Variants in SYNE1 observed in about 807,000 individuals in gnomAD.
The protein encoded by SYNE1 is nesprin-1.
A neutral mutation model predicts 1,111.0 loss-of-function variants in SYNE1; 616 were observed. That is an observed-to-expected ratio of 0.55 (90% CI 0.52 to 0.59). SYNE1 has a LOEUF of 0.59. SYNE1 is among the 20% of genes least tolerant of loss of function. The probability of loss-of-function intolerance (pLI) is 0.00; values close to 1 mark genes in which losing one functional copy is unlikely to be tolerated. For synonymous variants in SYNE1, 3,855 were observed against 3,825.8 expected, an observed-to-expected ratio of 1.01 and a Z score of -0.28; for missense variants, 10,006 against 10,417.0, an observed-to-expected ratio of 0.96 and a Z score of 1.72.
At chr6:152,565,314 A>G (rs1241163653) in intron 3 of SYNE1, among the ~76,000 whole-genome samples, 2 of 152,188 alleles carry the variant, frequency 1.3e-5, no homozygotes, top group Non-Finnish European at 2.9e-5. Context: ...TAAGTTAGTT[A>G]ATTACTGGGA....
At position 152,444,839 on chromosome 6, in the gene SYNE1, C is replaced by G. The variant is rs1592840720; in HGVS notation, c.3670-261G>C. ...AATAGGTAATATTAACTGCAGTCACCACCAGAACTTTTTCATCTTAGAACT... is the reference window on the plus strand; with the variant it reads ...AATAGGTAATATTAACTGCAGTCACGACCAGAACTTTTTCATCTTAGAACT... On this transcript the variant is annotated intron_variant, in intron 29 of 145. Coordinates refer to ENST00000367255, the MANE Select transcript of SYNE1 (RefSeq NM_182961.4). Among the ~76,000 whole-genome samples the G allele has an allele frequency of 1.3e-5, 2 of 152,182 alleles. 1 individual carries two copies. Among genetic ancestry groups the G allele is most frequent in the South Asian group, 4.1e-4 (2 of 4,820 alleles).
At chr6:152,153,004 A>G (rs1465342368) in intron 133 of SYNE1, among the ~76,000 whole-genome samples, 2 of 152,218 alleles carry the variant, frequency 1.3e-5, no homozygotes, top group African/African-American at 2.4e-5. Context: ...AAAAAAAATC[A>G]TTTGTATGAT....
intron 98 of SYNE1, among the ~76,000 whole-genome samples, chr6:152,273,052 G>A (rs142406196): frequency 1.5e-3 from 226 of 152,280 alleles, no homozygotes; most frequent in African/African-American, 5.2e-3. Context: ...AACTTCATTA[G>A]ATGAAAGATG....
intron 91 of SYNE1, among the ~76,000 whole-genome samples, chr6:152,302,625 A>C (rs1435883712): frequency 6.6e-6 from 1 of 152,220 alleles, no homozygotes; most frequent in African/African-American, 2.4e-5. Context: ...GATATTGCAT[A>C]TGGAAATCCC....
Position 152,245,066 on chromosome 6 carries a change from T to C in SYNE1, c.19573-410A>G, listed in dbSNP as rs984479331. Among the ~76,000 whole-genome samples the C allele has an allele frequency of 4.6e-5, 7 of 152,206 alleles. No homozygotes were observed. The South Asian group carries it at 1.2e-3, about 27-fold the overall frequency. ...CCTTGAAACGTAGCTGTGAGCATCT[T>C]TGGAGAGAGATTCAGCGAGGCAACA... On this transcript the variant is annotated intron_variant, in intron 105 of 145. Coordinates refer to ENST00000367255, the MANE Select transcript of SYNE1 (RefSeq NM_182961.4).
chr6:152,391,378 T>C lies in SYNE1; in HGVS notation c.7903A>G (p.Ser2635Gly), dbSNP rs930780710. 6.2e-7 allele frequency: 1 copy of C among 1,613,974 alleles called. No homozygotes were observed. The highest frequency in any genetic ancestry group is 8.5e-7 in the Non-Finnish European group (1 of 1,179,972). Reference protein sequence around the residue: ...EHEALEEALQSMWFWVKAIQD... With the variant: ...EHEALEEALQGMWFWVKAIQD... ...ATGGCCTTCACCCAGAACCACATGCTTTGCAGTGCTTCCTCCAGGGCTTCG... is the reference window on the plus strand; with the variant it reads ...ATGGCCTTCACCCAGAACCACATGCCTTGCAGTGCTTCCTCCAGGGCTTCG... The change falls in exon 52 of 146, where the codon AGC becomes GGC. Residue 2635 changes from serine (S) to glycine (G), a missense_variant. Transcript: ENST00000367255.
chr6:152,444,157 A>G (rs2098555933), intron 30 of SYNE1, among the ~76,000 whole-genome samples: 1 of 152,228 alleles, frequency 6.6e-6, no homozygotes, highest in Admixed American at 6.5e-5. Flanking sequence ...TTCTCTCCAC[A>G]GTATTCCTTG....
At chr6:152,301,791 G>T in intron 92 of SYNE1, 78 bp downstream of exon 92, 1 of 1,453,884 alleles carries the variant, frequency 6.9e-7, no homozygotes, top group Non-Finnish European at 9.2e-7. Flanking sequence ...CCTGAAATCA[G>T]CCACGGAGAG....
At chr6:152,377,622 AAAAAAAAAAAAAAAAAAAATATAT>A (rs1395049292) in intron 56 of SYNE1, among the ~76,000 whole-genome samples, 25 of 101,686 alleles carry the variant, frequency 2.5e-4, no homozygotes, top group African/African-American at 1.1e-3. Context: ...AAAAAAAAAA[AAAAAAAAAAAAAAAAAAAATATAT>A]ATATATATAT....
At chr6:152,138,610 C>T (rs1273898838) in intron 140 of SYNE1, among the ~76,000 whole-genome samples, 1 of 151,598 alleles carries the variant, frequency 6.6e-6, no homozygotes, top group African/African-American at 2.4e-5. Context: ...ACATCAACCC[C>T]AAATAAAAAG....
intron 6 of SYNE1, chr6:152,511,476 C>A (rs1366966033): frequency 9.2e-7 from 1 of 1,088,206 alleles, no homozygotes; most frequent in South Asian, 1.3e-5. Context: ...TAAGAAGATG[C>A]ACTTACTTTG....
chr6:152,416,740 C>T lies in SYNE1; in HGVS notation c.5697G>A (p.Lys1899=), dbSNP rs1190623764. The change falls in exon 41 of 146, where the codon AAG becomes AAA. Residue 1899 remains lysine, a synonymous_variant. Transcript: ENST00000367255. ...QTVEATNSMN[K]NESDLIEKDL... ...CCTTTTCTATCAAATCAGACTCGTT[C>T]TTATTCATACTGTTGGTTGCTTCCA... 3.1e-6 allele frequency: 5 copies of T among 1,614,110 alleles called. No individual in the cohort carries two copies. Among genetic ancestry groups the T allele is most frequent in the Non-Finnish European group, 4.2e-6 (5 of 1,180,050 alleles).
At chr6:152,364,345 G>T (rs992505249) in intron 63 of SYNE1, among the ~76,000 whole-genome samples, 2 of 151,820 alleles carry the variant, frequency 1.3e-5, no homozygotes, top group Non-Finnish European at 2.9e-5. Flanking sequence ...TTTACTTACT[G>T]CCCTCCCCCT....
chr6:152,143,374 A>G (rs563495804), intron 138 of SYNE1, among the ~76,000 whole-genome samples: 1 of 152,328 alleles, frequency 6.6e-6, no homozygotes, highest in East Asian at 1.9e-4. Context: ...AATGAAAAGG[A>G]TCTCCCTAAG....
chr6:152,289,730 C>T (rs539199472), intron 95 of SYNE1, among the ~76,000 whole-genome samples: 1 of 152,242 alleles, frequency 6.6e-6, no homozygotes, highest in African/African-American at 2.4e-5. Context: ...AGGTTCACGT[C>T]ATTCTCCTGC....
intron 3 of SYNE1, among the ~76,000 whole-genome samples, chr6:152,597,211 T>A (rs2099584458): frequency 6.6e-6 from 1 of 152,242 alleles, no homozygotes; most frequent in African/African-American, 2.4e-5. Flanking sequence ...AATTTATTTT[T>A]AAACATTAAA....
At chr6:152,233,447 C>T (rs2083249086) in intron 112 of SYNE1, among the ~76,000 whole-genome samples, 1 of 152,068 alleles carries the variant, frequency 6.6e-6, no homozygotes, top group Non-Finnish European at 1.5e-5. Flanking sequence ...GCCTCAGCCT[C>T]CCGAGTAGCT....
intron 4 of SYNE1, among the ~76,000 whole-genome samples, chr6:152,536,883 C>T (rs1307035780): frequency 6.6e-6 from 1 of 152,124 alleles, no homozygotes; most frequent in South Asian, 2.1e-4. Flanking sequence ...AAAAATAATG[C>T]ATTTTCTTGT....
At position 152,164,227 on chromosome 6, in the gene SYNE1, G is replaced by A. The variant is rs1206125513; in HGVS notation, c.23726C>T (p.Ala7909Val). 6 of 1,614,052 alleles carry A rather than the reference G, an allele frequency of 3.7e-6. No individual in the cohort carries two copies. The highest frequency in any genetic ancestry group is 1.3e-5 in the African/African-American group (1 of 75,006). The change falls in exon 131 of 146, where the codon GCC becomes GTC. Residue 7909 changes from alanine to valine, a missense_variant. Around this residue, in one of 7 missense-constraint regions of SYNE1, gnomAD observed 2,182 missense variants for 2,287.8 expected, o/e 0.95. Coordinates refer to ENST00000367255, the MANE Select transcript of SYNE1 (RefSeq NM_182961.4). ...ACAGGAATCGTAGACTATTGGCTTGGCCAGCTCTGACTCGATGTGAGCGAG... is the reference window on the plus strand; with the variant it reads ...ACAGGAATCGTAGACTATTGGCTTGACCAGCTCTGACTCGATGTGAGCGAG... ...TWLAHIESEL[A>V]KPIVYDSCNS...
Sources: allele counts gnomAD v4.1 joint callset (sites outside exome capture counted in the v4.1 genomes callset), GRCh38; gene constraint gnomAD v4.1.1; regional missense constraint gnomAD v4.1.1; transcripts MANE v1.5; gene names NCBI Gene and HGNC (gene_info 2026-07-23, HGNC 2026-07-21).